SNX30: variants seen among roughly 807,000 people sequenced by gnomAD.
SNX30 encodes sorting nexin family member 30.
SNX30 carries 24 observed loss-of-function variants against 46.4 expected under a neutral mutation model. The observed-to-expected ratio is 0.52, with a 90% confidence interval of 0.37 to 0.73. SNX30 has a LOEUF of 0.73. Ranked by LOEUF, SNX30 falls within the 30% of genes least tolerant of loss-of-function variation. The pLI is 0.00. For synonymous variants in SNX30, 189 were observed against 211.5 expected, an observed-to-expected ratio of 0.89 and a Z score of 0.92; for missense variants, 533 against 555.7, an observed-to-expected ratio of 0.96 and a Z score of 0.41.
intron 4 of SNX30, among the ~76,000 whole-genome samples, chr9:112,834,461 C>T (rs76004238): frequency 0.068 from 10,354 of 152,196 alleles, 452 homozygotes; most frequent in Non-Finnish European, 0.099. Flanking sequence ...AATGATATCA[C>T]AAAGGATACA....
At chr9:112,806,850 T>C (rs1840232890) in intron 2 of SNX30, among the ~76,000 whole-genome samples, 1 of 152,174 alleles carries the variant, frequency 6.6e-6, no homozygotes, top group South Asian at 2.1e-4. Context: ...GTATATGATT[T>C]AGATTTCAGT....
At chr9:112,805,011 G>T in intron 2 of SNX30, 44 bp downstream of exon 2, 1 of 1,480,032 alleles carries the variant, frequency 6.8e-7, no homozygotes, top group South Asian at 1.4e-5. Context: ...GTGGTCTCGG[G>T]GAATTGGGGT....
intron 6 of SNX30, among the ~76,000 whole-genome samples, chr9:112,847,424 A>G (rs148146920): frequency 2.0e-4 from 30 of 147,740 alleles, no homozygotes; most frequent in African/African-American, 6.9e-4. Flanking sequence ...CGTTTAGTAC[A>G]TATCTCTAAA....
chr9:112,785,181 G>T (rs895145868), intron 1 of SNX30, among the ~76,000 whole-genome samples: 8 of 152,004 alleles, frequency 5.3e-5, no homozygotes, highest in African/African-American at 1.7e-4. Context: ...GAAGAAGGTT[G>T]CTTACAACAC....
chr9:112,805,005 T>C (rs745694893), intron 2 of SNX30, 38 bp downstream of exon 2: 1 of 1,508,352 alleles, frequency 6.6e-7, no homozygotes, highest in Non-Finnish European at 9.0e-7. Flanking sequence ...TGTTGAGTGG[T>C]CTCGGGGAAT....
At chr9:112,879,892 G>T (rs76724858), downstream of SNX30, 50,844 of 1,393,280 alleles carry the variant, frequency 0.036, 1,041 homozygotes, top group Admixed American at 0.05. Context: ...CCCTCACAGG[G>T]TTAATGATAA....
In SNX30 at chr9:112,804,967, A is replaced by T; in HGVS notation, c.348A>T (p.Lys116Asn). 1 of 1,589,552 alleles carries T rather than the reference A, an allele frequency of 6.3e-7. No individual in the cohort carries two copies. Among genetic ancestry groups the T allele is most frequent in the Non-Finnish European group, 8.6e-7 (1 of 1,163,968 alleles). Residue 116 changes from lysine to asparagine, a missense_variant and splice_region_variant, in exon 2 of 9, where the codon AAA becomes AAT. Physicochemically the swap from Lys to Asn is moderately conservative, Grantham distance 94. Transcript: ENST00000374232. Reference sequence around the variant, plus strand: ...ACATCACCTATAGGATCACCACCAAAGTAGGTCCCTGTGTTATAGAATGCC... The same window carrying T: ...ACATCACCTATAGGATCACCACCAATGTAGGTCCCTGTGTTATAGAATGCC... ...ETYITYRITT[K>N]STRVEFDLPE...
Position 112,786,117 on chromosome 9 carries a change from C to CTT in SNX30, c.157-18643_157-18642dup, listed in dbSNP as rs140987500. On this transcript the variant is annotated intron_variant, in intron 1 of 8. Coordinates refer to ENST00000374232, the MANE Select transcript of SNX30 (RefSeq NM_001012994.2). ...GCTGTACTAACATGTAGGAGCTGTCCTTTTTTTTTTTTTTTTTGGAGACAA... is the reference window on the plus strand; with the variant it reads ...GCTGTACTAACATGTAGGAGCTGTCCTTTTTTTTTTTTTTTTTTTGGAGACAA... 6.4e-3 allele frequency among the ~76,000 whole-genome samples: 833 copies of CTT among 130,160 alleles called. 13 individuals are homozygous for CTT. The highest frequency in any genetic ancestry group is 0.022 in the African/African-American group (770 of 35,304). The allele number at this position is 130,160 out of a possible 152,430, so 85.4% of individuals were successfully genotyped here. A position where few individuals can be genotyped will look rare whatever the true frequency, so the allele number is the denominator to read the frequency against.
chr9:112,875,118 G>GA (rs1327407323), downstream of SNX30: 2 of 152,100 alleles, frequency 1.3e-5, no homozygotes, highest in Admixed American at 6.6e-5. Context: ...AGAGCGACAG[G>GA]AAAAAATATA....
intron 1 of SNX30, among the ~76,000 whole-genome samples, chr9:112,764,983 G>A (rs982505531): frequency 2.6e-5 from 4 of 152,120 alleles, no homozygotes; most frequent in Non-Finnish European, 5.9e-5. Context: ...CTTCCCAGGG[G>A]AAAAGGTCAG....
At chr9:112,776,866 C>T (rs117338749) in intron 1 of SNX30, among the ~76,000 whole-genome samples, 4,035 of 152,312 alleles carry the variant, frequency 0.026, 76 homozygotes, top group East Asian at 0.056. Flanking sequence ...AGAGTTTACC[C>T]TGCAGGTAGA....
At chr9:112,837,764 C>T (rs1485364815) in intron 5 of SNX30, among the ~76,000 whole-genome samples, 2 of 151,204 alleles carry the variant, frequency 1.3e-5, no homozygotes, top group South Asian at 2.1e-4. Context: ...TGTGAGCCAC[C>T]GTGCCTGGCC....
chr9:112,854,222 T>C (rs1425247670), intron 7 of SNX30, among the ~76,000 whole-genome samples: 1 of 152,232 alleles, frequency 6.6e-6, no homozygotes, highest in African/African-American at 2.4e-5. Flanking sequence ...CACACCAGGC[T>C]TGGAGCAGTC....
chr9:112,766,058 T>C (rs950892786), intron 1 of SNX30, among the ~76,000 whole-genome samples: 2 of 152,210 alleles, frequency 1.3e-5, no homozygotes, highest in Admixed American at 1.3e-4. Context: ...TGCCTCGGCC[T>C]CCCAAAGTGC....
intron 1 of SNX30, among the ~76,000 whole-genome samples, chr9:112,788,034 CAG>C (rs1320251989): frequency 2.0e-5 from 3 of 152,042 alleles, no homozygotes; most frequent in Non-Finnish European, 2.9e-5. Context: ...CTCCTGACCT[CAG>C]GGGATCCACC....
At chr9:112,804,194 C>G (rs1486313408) in intron 1 of SNX30, among the ~76,000 whole-genome samples, 1 of 151,670 alleles carries the variant, frequency 6.6e-6, no homozygotes, top group Non-Finnish European at 1.5e-5. Flanking sequence ...AATGGAGTTT[C>G]GCTCTTGTTG....
At position 112,817,401 on chromosome 9, in the gene SNX30, C is replaced by CTTTTTTTTTTTTTT. The variant is rs56856142; in HGVS notation, c.349-287_349-274dup. 7.5e-3 allele frequency among the ~76,000 whole-genome samples: 351 copies of CTTTTTTTTTTTTTT among 46,834 alleles called. 84 individuals are homozygous for CTTTTTTTTTTTTTT. Among genetic ancestry groups the CTTTTTTTTTTTTTT allele is most frequent in the East Asian group, 0.025 (19 of 772 alleles). 30.7% of individuals were successfully genotyped at this position (46,834 alleles called of 152,430 possible). On this transcript the variant is annotated intron_variant, in intron 2 of 8. Coordinates refer to ENST00000374232, the MANE Select transcript of SNX30 (RefSeq NM_001012994.2). ...CGGTAGGGAAAAAAAAAAAAACTGG[C>CTTTTTTTTTTTTTT]TTTTTTTTTTTTTTTTTTTTTTTTT...
chr9:112,785,735 G>A (rs1009184577), intron 1 of SNX30, among the ~76,000 whole-genome samples: 3 of 151,970 alleles, frequency 2.0e-5, no homozygotes, highest in African/African-American at 7.3e-5. Context: ...TCACTAGGTT[G>A]CCTAGGTTGT....
chr9:112,785,735 G>T (rs1009184577), intron 1 of SNX30, among the ~76,000 whole-genome samples: 2 of 151,970 alleles, frequency 1.3e-5, no homozygotes, highest in African/African-American at 4.8e-5. Context: ...TCACTAGGTT[G>T]CCTAGGTTGT....
Sources: gnomAD v4.1 joint callset for allele counts (sites outside exome capture counted in the v4.1 genomes callset) on GRCh38, gnomAD v4.1.1 for gene constraint, MANE v1.5 for transcripts, NCBI Gene and HGNC (gene_info 2026-07-23, HGNC 2026-07-21) for gene names.